The following FGL1 variants were observed in gnomAD, a reference collection of about 807,000 sequenced individuals.
FGL1 encodes fibrinogen like 1.
FGL1 carries 59 observed loss-of-function variants against 43.7 expected under a neutral mutation model. The ratio of observed to expected loss-of-function variants is 1.35; its 90% confidence interval spans 1.10 to 1.68. The LOEUF (loss-of-function observed/expected upper bound fraction) is 1.68. FGL1 is among the 40% of genes most tolerant of loss of function. FGL1 has a pLI of 0.00. For missense variants in FGL1, 596 were observed against 373.0 expected, an observed-to-expected ratio of 1.60 and a Z score of -4.92; for synonymous variants, 192 against 126.5, an observed-to-expected ratio of 1.52 and a Z score of -3.48.
rs1330068700 is a variant in FGL1 at position 17,884,201 on chromosome 8, CTCTT to C, written c.63+1287_63+1290del. On this transcript the variant is annotated intron_variant, in intron 2 of 7. Transcript: ENST00000427924. ...AGGATGATTCCTTCTCTCTCTCTCT[CTCTT>C]TCTTTCAACAGAGTCTTGCTCTGTT... Among the ~76,000 whole-genome samples the C allele has an allele frequency of 6.6e-5, 10 of 150,594 alleles. No homozygotes were observed. In the East Asian group the frequency reaches 1.8e-3, roughly 27 times the overall value.
At chr8:17,888,468 C>T (rs534686660) in intron 1 of FGL1, among the ~76,000 whole-genome samples, 1 of 152,268 alleles carries the variant, frequency 6.6e-6, no homozygotes, top group East Asian at 1.9e-4. Flanking sequence ...TGTCCTAAAT[C>T]TCTTATTCCC....
chr8:17,882,147 C>A lies in FGL1; in HGVS notation c.96G>T (p.Arg32=), dbSNP rs749633272. The A allele has an allele frequency of 1.2e-6, 2 of 1,613,886 alleles. No homozygotes were observed. The highest frequency in any genetic ancestry group is 8.5e-7 in the Non-Finnish European group (1 of 1,179,970). ...ALEDCAQEQM[R]LRAQVRLLET... is the part of the protein sequence containing the mutation. ...CAAGCAGGCGCACCTGGGCTCTGAG[C>A]CGCATCTGCTCCTGGGCACAGTCCT... The change falls in exon 3 of 8, where the codon CGG becomes CGT. Residue 32 remains arginine (R), a synonymous_variant. Transcript: ENST00000427924.
chr8:17,877,301 C>T (rs2053470802), intron 3 of FGL1, among the ~76,000 whole-genome samples: 1 of 152,024 alleles, frequency 6.6e-6, no homozygotes, highest in South Asian at 2.1e-4. Flanking sequence ...GGCATCCTGC[C>T]TTCTGTTTTG....
chr8:17,886,416 G>A (rs745343061), intron 1 of FGL1, among the ~76,000 whole-genome samples: 1 of 152,128 alleles, frequency 6.6e-6, no homozygotes, highest in Non-Finnish European at 1.5e-5. Flanking sequence ...AAAGAGAAAG[G>A]GAAAGAACAG....
intron 2 of FGL1, among the ~76,000 whole-genome samples, chr8:17,884,420 T>C (rs35168875): frequency 0.078 from 11,895 of 152,056 alleles, 945 homozygotes; most frequent in African/African-American, 0.2. Flanking sequence ...GTCTCAAACT[T>C]CTGGCTTCAA....
chr8:17,879,068 G>T (rs567239078), intron 3 of FGL1, among the ~76,000 whole-genome samples: 1 of 150,862 alleles, frequency 6.6e-6, no homozygotes, highest in Non-Finnish European at 1.5e-5. Context: ...CTTCATGCTT[G>T]TAATTAATAT....
intron 1 of FGL1, 88 bp from the exon 2 acceptor site, chr8:17,885,659 G>A (rs932893108): frequency 2.7e-5 from 29 of 1,066,056 alleles, no homozygotes; most frequent in Admixed American, 1.1e-4. Flanking sequence ...CCAGGAAGTC[G>A]GATGCAGCCG....
chr8:17,864,620 G>C lies in FGL1; in HGVS notation c.911C>G (p.Pro304Arg). 6.2e-7 allele frequency: 1 copy of C among 1,609,894 alleles called. No individual in the cohort carries two copies. Among genetic ancestry groups the C allele is most frequent in the Non-Finnish European group, 8.5e-7 (1 of 1,179,078 alleles). Residue 304 changes from proline (P) to arginine (R), a missense_variant, in exon 8 of 8, where the codon CCA (proline) becomes CGA (arginine). Transcript: ENST00000427924. ...SLKSVVMKIR[P>R]NDFIPNVI ...AATTACATTTGGAATAAAATCATTT[G>C]GCCTAATTTTCATAACCACAGATTT...
At chr8:17,881,388 G>A (rs2053533351) in intron 3 of FGL1, among the ~76,000 whole-genome samples, 1 of 151,608 alleles carries the variant, frequency 6.6e-6, no homozygotes, top group South Asian at 2.1e-4. Flanking sequence ...GCCCACCTAG[G>A]CCTCCCAACG....
At chr8:17,876,149 C>A (rs567775081) in intron 3 of FGL1, among the ~76,000 whole-genome samples, 1 of 152,246 alleles carries the variant, frequency 6.6e-6, no homozygotes, top group East Asian at 1.9e-4. Context: ...TTCACTTTTA[C>A]CCTTATCGCT....
intron 1 of FGL1, among the ~76,000 whole-genome samples, chr8:17,889,948 C>T (rs2053681756): frequency 6.6e-6 from 1 of 152,170 alleles, no homozygotes; most frequent in African/African-American, 2.4e-5. Context: ...CTTACTTGAT[C>T]AGAGAGAGAA....
chr8:17,864,639 C>G lies in FGL1; in HGVS notation c.892G>C (p.Val298Leu), dbSNP rs767866520. Residue 298 changes from valine to leucine, a missense_variant, in exon 8 of 8, where the codon GTG becomes CTG. By Grantham distance (32) the Val-to-Leu change is conservative. Transcript: ENST00000427924. Reference protein sequence around the residue: ...WHGWWYSLKSVVMKIRPNDFI... With the variant: ...WHGWWYSLKSLVMKIRPNDFI... ...TCATTTGGCCTAATTTTCATAACCA[C>G]AGATTTCAGAGAATACCACCACCCA... 4 of 1,612,748 alleles carry G rather than the reference C, an allele frequency of 2.5e-6. No homozygotes were observed. Among genetic ancestry groups the G allele is most frequent in the Non-Finnish European group, 3.4e-6 (4 of 1,179,724 alleles).
intron 1 of FGL1, among the ~76,000 whole-genome samples, chr8:17,888,376 T>C (rs1301456615): frequency 6.6e-6 from 1 of 152,164 alleles, no homozygotes; most frequent in Non-Finnish European, 1.5e-5. Context: ...GTCACATTTA[T>C]TATTGTCATG....
intron 1 of FGL1, among the ~76,000 whole-genome samples, chr8:17,893,597 G>C (rs962513985): frequency 6.8e-6 from 1 of 147,612 alleles, no homozygotes; most frequent in African/African-American, 2.6e-5. Flanking sequence ...CCCTAGTCTG[G>C]TAGCATATAA....
chr8:17,884,157 C>T (rs2053594226), intron 2 of FGL1, among the ~76,000 whole-genome samples: 1 of 150,392 alleles, frequency 6.6e-6, no homozygotes, highest in African/African-American at 2.5e-5. Context: ...GTCACAGAAC[C>T]TCTCCCAGCC....
chr8:17,871,270 A>G (rs2053355767), intron 5 of FGL1, among the ~76,000 whole-genome samples: 1 of 152,130 alleles, frequency 6.6e-6, no homozygotes, highest in Non-Finnish European at 1.5e-5. Context: ...AGGCACGCAG[A>G]TGACTTGAAG....
At chr8:17,888,068 A>C (rs1403773948) in intron 1 of FGL1, among the ~76,000 whole-genome samples, 1 of 152,066 alleles carries the variant, frequency 6.6e-6, no homozygotes, top group Non-Finnish European at 1.5e-5. Context: ...TCTTAGGCCC[A>C]GTAATAGAAA....
chr8:17,876,950 C>T (rs763777755), intron 3 of FGL1, among the ~76,000 whole-genome samples: 3 of 152,038 alleles, frequency 2.0e-5, no homozygotes, highest in Non-Finnish European at 2.9e-5. Flanking sequence ...AAGCTTTTAA[C>T]TGAAATAAAC....
chr8:17,885,358 A>T, intron 2 of FGL1, 134 bp downstream of exon 2: 1 of 719,552 alleles, frequency 1.4e-6, no homozygotes, highest in Non-Finnish European at 2.3e-6. Context: ...CAGTATTTCT[A>T]CCAGCCTCTT....
Sources: gnomAD v4.1 joint callset for allele counts (sites outside exome capture counted in the v4.1 genomes callset) on GRCh38, gnomAD v4.1.1 for gene constraint, MANE v1.5 for transcripts, NCBI Gene and HGNC (gene_info 2026-07-23, HGNC 2026-07-21) for gene names.